The following COLEC10 variants were observed in gnomAD, a reference collection of about 807,000 sequenced individuals.
COLEC10 encodes collectin subfamily member 10, also known as collectin-10.
A neutral mutation model predicts 28.4 loss-of-function variants in COLEC10; 22 were observed. The observed-to-expected ratio is 0.78, with a 90% confidence interval of 0.55 to 1.11. COLEC10 has a LOEUF of 1.11. COLEC10 is among the 50% of genes least tolerant of loss of function. COLEC10 has a pLI of 0.00. For missense variants in COLEC10, 361 were observed against 344.1 expected, an observed-to-expected ratio of 1.05 and a Z score of -0.39; for synonymous variants, 125 against 116.1, an observed-to-expected ratio of 1.08 and a Z score of -0.49.
chr8:119,101,287 C>G (rs902795247), intron 3 of COLEC10, among the ~76,000 whole-genome samples: 2 of 152,072 alleles, frequency 1.3e-5, no homozygotes, highest in Admixed American at 6.6e-5. Flanking sequence ...AGTTCTTTTT[C>G]TTTTTTTCCA....
chr8:119,008,120 C>A (rs1813838855), intron 1 of COLEC10, among the ~76,000 whole-genome samples: 1 of 150,874 alleles, frequency 6.6e-6, no homozygotes, highest in South Asian at 2.1e-4. Flanking sequence ...AAATATAGAT[C>A]CACTGGAAAA....
chr8:118,994,821 G>A (rs1813562959), upstream of COLEC10, among the ~76,000 whole-genome samples: 2 of 152,136 alleles, frequency 1.3e-5, no homozygotes, highest in Non-Finnish European at 2.9e-5. Flanking sequence ...TTTTAATTAT[G>A]CACATACACT....
chr8:119,084,509 G>C (rs1030062347), intron 1 of COLEC10, among the ~76,000 whole-genome samples: 1 of 152,178 alleles, frequency 6.6e-6, no homozygotes, highest in Admixed American at 6.5e-5. Flanking sequence ...TTACTCCTCT[G>C]AATGTCTACT....
chr8:118,957,705 G>A, the COLEC10 span, among the ~76,000 whole-genome samples: 1 of 152,194 alleles, frequency 6.6e-6, no homozygotes, highest in African/African-American at 2.4e-5. Context: ...CTGGGTCATT[G>A]TCTCCAGGAC....
intron 1 of COLEC10, among the ~76,000 whole-genome samples, chr8:119,075,308 A>G (rs1815205161): frequency 6.6e-6 from 1 of 152,190 alleles, no homozygotes; most frequent in African/African-American, 2.4e-5. Flanking sequence ...ACCCATAACC[A>G]GTGTGTCTGT....
At chr8:119,059,186 AT>A (rs546031483) in intron 2 of COLEC10, among the ~76,000 whole-genome samples, 68 of 151,896 alleles carry the variant, frequency 4.5e-4, no homozygotes, top group Non-Finnish European at 9.6e-4. Flanking sequence ...TCTTAATGGT[AT>A]TTTTTGAAGC....
intron 3 of COLEC10, among the ~76,000 whole-genome samples, chr8:119,092,587 TA>T (rs911744488): frequency 6.6e-5 from 10 of 152,150 alleles, no homozygotes; most frequent in African/African-American, 2.4e-4. Flanking sequence ...ATTCATAGAC[TA>T]TTCAGGAAGA....
At chr8:119,077,058 T>A (rs1320586939) in intron 1 of COLEC10, among the ~76,000 whole-genome samples, 2 of 152,144 alleles carry the variant, frequency 1.3e-5, no homozygotes, top group African/African-American at 4.8e-5. Context: ...ATGTCACCAA[T>A]GATTCTGGGG....
intron 2 of COLEC10, among the ~76,000 whole-genome samples, chr8:119,017,641 C>G (rs1165749190): frequency 2.6e-5 from 4 of 152,154 alleles, no homozygotes; most frequent in African/African-American, 9.7e-5. Context: ...TTCTTCCAGA[C>G]AGAGTTACCC....
At chr8:119,095,058 G>A (rs939699425) in intron 3 of COLEC10, among the ~76,000 whole-genome samples, 11 of 152,188 alleles carry the variant, frequency 7.2e-5, no homozygotes, top group South Asian at 2.1e-4. Flanking sequence ...GAATATGAGC[G>A]TTATTTGTGG....
the COLEC10 span, among the ~76,000 whole-genome samples, chr8:118,979,902 T>C: frequency 6.6e-6 from 1 of 152,120 alleles, no homozygotes; most frequent in African/African-American, 2.4e-5. Flanking sequence ...CACATGAGTG[T>C]TGGCAGACTT....
intron 1 of COLEC10, chr8:119,068,566 T>A (rs760993919): frequency 1.3e-5 from 2 of 152,160 alleles, no homozygotes; most frequent in African/African-American, 4.8e-5. Context: ...TGGGGTGTCA[T>A]GGGGGCATTG....
intron 1 of COLEC10, among the ~76,000 whole-genome samples, chr8:119,088,988 A>T (rs1342516975): frequency 1.3e-5 from 2 of 152,160 alleles, no homozygotes; most frequent in Non-Finnish European, 2.9e-5. Flanking sequence ...TGAGTGGTGG[A>T]GCTGAGACTT....
At chr8:119,011,486 T>G (rs35533151) in intron 2 of COLEC10, among the ~76,000 whole-genome samples, 95,257 of 149,712 alleles carry the variant, frequency 0.64, 31,681 homozygotes, top group African/African-American at 0.79. Flanking sequence ...TATAAACTTA[T>G]ATTTATTAAT....
the COLEC10 span, among the ~76,000 whole-genome samples, chr8:118,967,713 G>T: frequency 2.0e-5 from 3 of 152,144 alleles, no homozygotes; most frequent in Admixed American, 6.6e-5. Flanking sequence ...TGTAAACAAA[G>T]AAATTTTGTT....
At chr8:119,036,721 A>T (rs186531818) in intron 2 of COLEC10, among the ~76,000 whole-genome samples, 2 of 152,336 alleles carry the variant, frequency 1.3e-5, no homozygotes, top group Admixed American at 1.3e-4. Flanking sequence ...AATTAAGACC[A>T]TTTAAGGAAG....
chr8:119,005,989 T>G (rs1383356742), intron 1 of COLEC10, among the ~76,000 whole-genome samples: 1 of 152,086 alleles, frequency 6.6e-6, no homozygotes, highest in African/African-American at 2.4e-5. Flanking sequence ...TATCCCTCAC[T>G]GGGTCTGTGG....
chr8:119,107,296 A>C lies in COLEC10; in HGVS notation c.*1105A>C, dbSNP rs770252313. On this transcript the variant is annotated 3_prime_UTR_variant, in exon 6 of 6. Transcript: ENST00000332843. ...CTTCTAATACTCTGGCATCACAGAAATGTGTGAGGCACAGAATTCGGAACA... is the reference window on the plus strand; with the variant it reads ...CTTCTAATACTCTGGCATCACAGAACTGTGTGAGGCACAGAATTCGGAACA... Among the ~76,000 whole-genome samples the C allele has an allele frequency of 1.3e-5, 2 of 152,182 alleles. No individual in the cohort carries two copies. The highest frequency in any genetic ancestry group is 2.9e-5 in the Non-Finnish European group (2 of 68,020).
At chr8:119,093,011 G>A (rs1404999637) in intron 3 of COLEC10, among the ~76,000 whole-genome samples, 1 of 152,192 alleles carries the variant, frequency 6.6e-6, no homozygotes, top group African/African-American at 2.4e-5. Context: ...CCTAGGTCTT[G>A]AAGAATAGTA....
Sources: allele counts gnomAD v4.1 joint callset (sites outside exome capture counted in the v4.1 genomes callset), GRCh38; gene constraint gnomAD v4.1.1; transcripts MANE v1.5; gene names NCBI Gene and HGNC (gene_info 2026-07-23, HGNC 2026-07-21).